Variants in NAA11 observed in about 807,000 individuals in gnomAD.
The protein encoded by NAA11 is N-alpha-acetyltransferase 11.
Under a neutral mutation model 16.1 loss-of-function variants are expected in NAA11, and 15 were observed. The observed-to-expected ratio is 0.93, with a 90% CI of 0.62 to 1.44. The LOEUF is 1.44. Among genes scored for constraint, NAA11 ranks in the 40% most tolerant of loss-of-function variants. The pLI, the probability that NAA11 is intolerant of heterozygous loss-of-function variation, is 0.00. For missense variants in NAA11, 298 were observed against 291.3 expected (o/e 1.02, Z -0.17); for synonymous variants, 122 against 112.4 (o/e 1.09, Z -0.54).
the NAA11 span, among the ~76,000 whole-genome samples, chr4:79,199,959 C>G: frequency 6.6e-6 from 1 of 151,836 alleles, no homozygotes; most frequent in Admixed American, 6.6e-5. Flanking sequence ...AAATGATGAG[C>G]TACAGCTGTT....
the NAA11 span, among the ~76,000 whole-genome samples, chr4:79,186,105 G>C: frequency 6.6e-6 from 1 of 152,116 alleles, no homozygotes; most frequent in Non-Finnish European, 1.5e-5. Flanking sequence ...TCTATGTGGA[G>C]ATATTTCAGG....
the NAA11 span, among the ~76,000 whole-genome samples, chr4:79,166,891 A>G: frequency 6.8e-6 from 1 of 146,914 alleles, no homozygotes; most frequent in African/African-American, 2.5e-5. Flanking sequence ...AATTACAGGC[A>G]TGAGCCACCA....
In NAA11 at chr4:79,325,465, T is replaced by A; in HGVS notation, c.413A>T (p.Tyr138Phe). Residue 138 changes from tyrosine to phenylalanine, a missense_variant, in exon 1 of 2, where the codon TAT becomes TTT. Coordinates refer to ENST00000286794, the MANE Select transcript of NAA11 (RefSeq NM_032693.3). ...AGCATAAGCATCTTCCCCATCTGCA[T>A]AGTATTTAGGTTCCACCTCACTAAT... is the stretch of plus-strand genomic sequence containing the variant. ...FQISEVEPKY[Y>F]ADGEDAYAMK... 1 of 1,614,182 alleles carries A rather than the reference T, an allele frequency of 6.2e-7. No individual in the cohort carries two copies. Among genetic ancestry groups the A allele is most frequent in the Non-Finnish European group, 8.5e-7 (1 of 1,180,028 alleles).
intron 2 of NAA11, among the ~76,000 whole-genome samples, chr4:79,233,438 T>C (rs1048912349): frequency 9.9e-5 from 15 of 152,038 alleles, no homozygotes; most frequent in African/African-American, 3.4e-4. Context: ...AGGAATCCCT[T>C]GTTTTTCTTT....
intron 2 of NAA11, among the ~76,000 whole-genome samples, chr4:79,286,454 G>T (rs1256810340): frequency 1.3e-5 from 2 of 152,096 alleles, no homozygotes; most frequent in East Asian, 3.9e-4. Flanking sequence ...GTATATGTGT[G>T]TTATAGATTT....
downstream of NAA11, among the ~76,000 whole-genome samples, chr4:79,220,752 T>C (rs1306689024): frequency 1.3e-5 from 2 of 152,216 alleles, no homozygotes; most frequent in African/African-American, 2.4e-5. Context: ...TTGGTACCAG[T>C]ACCATGCTGT....
intron 2 of NAA11, among the ~76,000 whole-genome samples, chr4:79,293,173 C>T (rs1723126830): frequency 6.6e-6 from 1 of 151,990 alleles, no homozygotes; most frequent in Admixed American, 6.6e-5. Flanking sequence ...ATCGTGATTA[C>T]TAAAGTAGAC....
At chr4:79,207,246 G>A in the NAA11 span, among the ~76,000 whole-genome samples, 1 of 151,836 alleles carries the variant, frequency 6.6e-6, no homozygotes, top group African/African-American at 2.4e-5. Context: ...TTGAATAGAA[G>A]TGGTGAAAGT....
chr4:79,311,767 A>G (rs1053137168), downstream of NAA11, among the ~76,000 whole-genome samples: 35 of 152,218 alleles, frequency 2.3e-4, no homozygotes, highest in Non-Finnish European at 1.5e-4. Flanking sequence ...TTCAGCTTAA[A>G]TACCTACTGG....
chr4:79,226,624 T>C lies in NAA11; in HGVS notation c.*123-354A>G, dbSNP rs563622958. Among the ~76,000 whole-genome samples the C allele has an allele frequency of 3.0e-5, 4 of 132,450 alleles. No individual in the cohort carries two copies. In the South Asian group the frequency reaches 1.0e-3, roughly 33 times the overall value. 86.9% of individuals were successfully genotyped at this position (132,450 alleles called of 152,430 possible). ...CACCAGTGGGTGATGTTCCCCTTCCTGTGTCCAGGTGTTCTCATTGTTCAA... is the reference window on the plus strand; with the variant it reads ...CACCAGTGGGTGATGTTCCCCTTCCCGTGTCCAGGTGTTCTCATTGTTCAA... On this transcript the variant is annotated intron_variant and NMD_transcript_variant, in intron 2 of 2. Coordinates refer to the NAA11 transcript ENST00000511542.
downstream of NAA11, among the ~76,000 whole-genome samples, chr4:79,225,150 C>G (rs1012541939): frequency 6.6e-6 from 1 of 151,770 alleles, no homozygotes; most frequent in Non-Finnish European, 1.5e-5. Context: ...ATGTACCATA[C>G]TAATGTAAGA....
the NAA11 span, among the ~76,000 whole-genome samples, chr4:79,157,480 AAT>A: frequency 6.6e-6 from 1 of 151,778 alleles, no homozygotes; most frequent in African/African-American, 2.4e-5. Context: ...CATATGATGG[AAT>A]ATATATATAC....
the NAA11 span, among the ~76,000 whole-genome samples, chr4:79,187,251 C>G: frequency 1.3e-5 from 2 of 152,132 alleles, no homozygotes; most frequent in Non-Finnish European, 2.9e-5. Context: ...GTGAGGCTAA[C>G]GAACATCCCA....
At chr4:79,312,724 A>T (rs1723814501), downstream of NAA11, among the ~76,000 whole-genome samples, 1 of 151,210 alleles carries the variant, frequency 6.6e-6, no homozygotes, top group Non-Finnish European at 1.5e-5. Flanking sequence ...TCCTGGCCTC[A>T]AGAGATCTTC....
At chr4:79,273,292 A>T (rs1489295325) in intron 2 of NAA11, among the ~76,000 whole-genome samples, 3 of 152,042 alleles carry the variant, frequency 2.0e-5, no homozygotes, top group Admixed American at 6.6e-5. Context: ...CTTTGTAAAC[A>T]CATAATATAG....
chr4:79,217,475 G>A, the NAA11 span, among the ~76,000 whole-genome samples: 7 of 152,148 alleles, frequency 4.6e-5, no homozygotes, highest in Admixed American at 6.6e-5. Flanking sequence ...ATAGAAAAAG[G>A]ATTGTATGAA....
intron 2 of NAA11, among the ~76,000 whole-genome samples, chr4:79,271,160 T>C (rs1722483532): frequency 1.3e-5 from 1 of 74,312 alleles, no homozygotes; most frequent in Admixed American, 1.6e-4. Flanking sequence ...CTCCTTAAGC[T>C]GATAAGCAAC....
intron 2 of NAA11, among the ~76,000 whole-genome samples, chr4:79,258,271 C>G (rs1265478367): frequency 6.6e-6 from 1 of 152,260 alleles, no homozygotes; most frequent in Non-Finnish European, 1.5e-5. Context: ...CAGAGCAGGA[C>G]CCCTGATCCT....
the NAA11 span, among the ~76,000 whole-genome samples, chr4:79,174,019 G>A: frequency 6.6e-6 from 1 of 152,058 alleles, no homozygotes. Context: ...CAGGGGGAGG[G>A]AGACTCCCCA....
Sources: gnomAD v4.1 joint callset for allele counts (sites outside exome capture counted in the v4.1 genomes callset) on GRCh38, gnomAD v4.1.1 for gene constraint, MANE v1.5 for transcripts, NCBI Gene and HGNC (gene_info 2026-07-23, HGNC 2026-07-21) for gene names.